Variants in KCNIP4 observed in about 807,000 individuals in gnomAD.
KCNIP4 encodes the protein Kv channel-interacting protein 4.
Under a neutral mutation model 34.0 loss-of-function variants are expected in KCNIP4, and 12 were observed. The ratio of observed to expected loss-of-function variants is 0.35; its 90% CI spans 0.23 to 0.57. The LOEUF (loss-of-function observed/expected upper bound fraction) is 0.57, where lower values mean the gene tolerates loss of function less well. Ranked by LOEUF, KCNIP4 falls within the 20% of genes least tolerant of loss-of-function variation. KCNIP4 has a pLI of 0.83. For synonymous variants in KCNIP4, 124 were observed against 102.2 expected, an observed-to-expected ratio of 1.21 and a Z score of -1.29; for missense variants, 238 against 311.7, an observed-to-expected ratio of 0.76 and a Z score of 1.78.
chr4:21,070,269 G>T (rs1459367918), intron 1 of KCNIP4, among the ~76,000 whole-genome samples: 1 of 152,132 alleles, frequency 6.6e-6, no homozygotes, highest in African/African-American at 2.4e-5. Flanking sequence ...TGTTTTTGGC[G>T]ATTAAAAATA....
intron 1 of KCNIP4, among the ~76,000 whole-genome samples, chr4:21,899,797 CA>C (rs1377813282): frequency 6.6e-6 from 1 of 151,972 alleles, no homozygotes. Flanking sequence ...AGAGGACACA[CA>C]AAAATAGAAA....
chr4:21,489,822 A>G (rs1732226943), intron 1 of KCNIP4, among the ~76,000 whole-genome samples: 1 of 152,168 alleles, frequency 6.6e-6, no homozygotes, highest in Non-Finnish European at 1.5e-5. Flanking sequence ...AACTGTTCAT[A>G]GAATGAGCTT....
At chr4:21,677,219 C>T (rs1749983430) in intron 1 of KCNIP4, among the ~76,000 whole-genome samples, 1 of 152,168 alleles carries the variant, frequency 6.6e-6, no homozygotes, top group Non-Finnish European at 1.5e-5. Flanking sequence ...TTCTTATTTT[C>T]AATATTACAC....
chr4:21,091,421 G>A (rs1226333025), intron 1 of KCNIP4, among the ~76,000 whole-genome samples: 1 of 152,106 alleles, frequency 6.6e-6, no homozygotes, highest in Admixed American at 6.6e-5. Flanking sequence ...AAGATAACAA[G>A]GTAATTTCAT....
intron 1 of KCNIP4, among the ~76,000 whole-genome samples, chr4:21,003,607 G>T (rs1030016471): frequency 2.0e-5 from 3 of 152,156 alleles, no homozygotes; most frequent in Non-Finnish European, 2.9e-5. Context: ...ATAGGCAAAA[G>T]GAAATTTAGA....
chr4:21,660,256 A>C (rs1165641687), intron 1 of KCNIP4, among the ~76,000 whole-genome samples: 1 of 152,166 alleles, frequency 6.6e-6, no homozygotes, highest in Admixed American at 6.5e-5. Flanking sequence ...TGAAAGGCAG[A>C]GATGGGAGCA....
intron 1 of KCNIP4, among the ~76,000 whole-genome samples, chr4:20,989,099 T>C (rs1253358170): frequency 6.6e-6 from 1 of 152,220 alleles, no homozygotes; most frequent in East Asian, 1.9e-4. Flanking sequence ...AGTCCCCAAT[T>C]CTAAGCACCC....
At chr4:21,587,141 C>G (rs1174771093) in intron 1 of KCNIP4, among the ~76,000 whole-genome samples, 1 of 152,016 alleles carries the variant, frequency 6.6e-6, no homozygotes, top group Non-Finnish European at 1.5e-5. Flanking sequence ...TGTGTATATG[C>G]TATGTAGATG....
At chr4:20,806,055 C>T (rs1715036385) in intron 3 of KCNIP4, among the ~76,000 whole-genome samples, 1 of 151,878 alleles carries the variant, frequency 6.6e-6, no homozygotes, top group Non-Finnish European at 1.5e-5. Flanking sequence ...TAATTCTGTT[C>T]CATTATTTCT....
chr4:21,334,754 G>A (rs918621091), intron 1 of KCNIP4, among the ~76,000 whole-genome samples: 14 of 151,886 alleles, frequency 9.2e-5, no homozygotes, highest in Admixed American at 8.5e-4. Context: ...TATATAAAAT[G>A]TATTATACAG....
intron 1 of KCNIP4, among the ~76,000 whole-genome samples, chr4:21,158,425 C>A (rs557825158): frequency 4.3e-4 from 66 of 152,194 alleles, no homozygotes; most frequent in African/African-American, 1.6e-3. Flanking sequence ...CAAATCAAAT[C>A]TAACAGTGTA....
intron 1 of KCNIP4, among the ~76,000 whole-genome samples, chr4:21,767,737 T>C (rs16871885): frequency 0.15 from 22,443 of 151,940 alleles, 5,575 homozygotes; most frequent in African/African-American, 0.51. Flanking sequence ...AGCGGGGACC[T>C]AATAAGCACA....
At chr4:21,527,159 G>T (rs1736036683) in intron 1 of KCNIP4, among the ~76,000 whole-genome samples, 1 of 152,114 alleles carries the variant, frequency 6.6e-6, no homozygotes, top group Non-Finnish European at 1.5e-5. Context: ...TAAAGTAATG[G>T]TAGTAAGTGA....
chr4:21,895,733 A>G (rs1434349180), intron 1 of KCNIP4, among the ~76,000 whole-genome samples: 1 of 152,222 alleles, frequency 6.6e-6, no homozygotes, highest in African/African-American at 2.4e-5. Context: ...TATACTTTGC[A>G]TGAACAAAAA....
intron 1 of KCNIP4, among the ~76,000 whole-genome samples, chr4:21,354,783 C>G (rs1435761712): frequency 3.3e-5 from 5 of 152,174 alleles, no homozygotes; most frequent in Non-Finnish European, 7.3e-5. Context: ...GAACTCAGCT[C>G]TGCACCAAGT....
intron 1 of KCNIP4, among the ~76,000 whole-genome samples, chr4:21,676,462 G>A (rs944242957): frequency 6.6e-6 from 1 of 152,140 alleles, no homozygotes; most frequent in African/African-American, 2.4e-5. Flanking sequence ...ATTATTTTTA[G>A]ATGAACAGGA....
intron 1 of KCNIP4, among the ~76,000 whole-genome samples, chr4:21,898,304 G>C (rs1359654069): frequency 6.6e-6 from 1 of 152,104 alleles, no homozygotes; most frequent in Non-Finnish European, 1.5e-5. Context: ...ATGCCAGCTA[G>C]AGCAGCCAAG....
intron 3 of KCNIP4, among the ~76,000 whole-genome samples, chr4:20,779,313 T>G (rs911466203): frequency 6.6e-6 from 1 of 152,070 alleles, no homozygotes; most frequent in Non-Finnish European, 1.5e-5. Flanking sequence ...TGTAAATAGA[T>G]GAGGAGACAC....
intron 1 of KCNIP4, among the ~76,000 whole-genome samples, chr4:21,382,572 G>T (rs1721611214): frequency 1.3e-5 from 2 of 152,038 alleles, no homozygotes; most frequent in Middle Eastern, 3.4e-3. Flanking sequence ...ATACATCAAT[G>T]CTCAAATTTT....
Sources: allele counts gnomAD v4.1 joint callset (sites outside exome capture counted in the v4.1 genomes callset), GRCh38; gene constraint gnomAD v4.1.1; transcripts MANE v1.5; gene names NCBI Gene and HGNC (gene_info 2026-07-23, HGNC 2026-07-21).